PBX3: variants seen among roughly 807,000 people sequenced by gnomAD.
PBX3 encodes pre-B-cell leukemia transcription factor 3.
PBX3 carries 14 observed loss-of-function variants against 48.5 expected under a neutral mutation model. The observed-to-expected ratio is 0.29, with a 90% CI of 0.19 to 0.45. PBX3 has a LOEUF of 0.45. Ranked by LOEUF, PBX3 falls within the 20% of genes least tolerant of loss-of-function variation. PBX3 has a pLI of 1.00. For missense variants in PBX3, 386 were observed against 546.7 expected (o/e 0.71, Z 2.93); for synonymous variants, 210 against 200.3 (o/e 1.05, Z -0.41).
chr9:125,931,921 A>G (rs1841725581), intron 4 of PBX3, among the ~76,000 whole-genome samples: 1 of 152,224 alleles, frequency 6.6e-6, no homozygotes. Context: ...TTTGGTCTTT[A>G]GGATTATTTC....
chr9:125,868,459 AG>A (rs2132312011), intron 2 of PBX3, among the ~76,000 whole-genome samples: 2 of 152,340 alleles, frequency 1.3e-5, no homozygotes, highest in East Asian at 3.9e-4. Flanking sequence ...TCATTTCCAA[AG>A]CATGGCTGAG....
intron 3 of PBX3, among the ~76,000 whole-genome samples, chr9:125,929,420 G>T (rs187113652): frequency 2.0e-5 from 3 of 152,310 alleles, no homozygotes; most frequent in Admixed American, 1.3e-4. Flanking sequence ...GACAGGGGTG[G>T]GTGGGAAGAG....
At chr9:125,953,484 A>AG (rs1224068003) in intron 5 of PBX3, among the ~76,000 whole-genome samples, 1 of 151,846 alleles carries the variant, frequency 6.6e-6, no homozygotes, top group Admixed American at 6.6e-5. Context: ...CTCAAAAAAA[A>AG]AAAAAGTAGG....
Position 125,870,474 on chromosome 9 carries a change from TCAAACAAA to T in PBX3, c.275-45195_275-45188del, listed in dbSNP as rs141152111. Reference sequence around the variant, plus strand: ...GGTGATCTGACAGAGCTAGACACTGTCAAACAAACAAACAAACAAACAAAAAAACCCCA... The same window carrying T: ...GGTGATCTGACAGAGCTAGACACTGTCAAACAAACAAACAAAAAAACCCCA... On this transcript the variant is annotated intron_variant, in intron 2 of 8. Coordinates refer to ENST00000373489, the MANE Select transcript of PBX3 (RefSeq NM_006195.6). Among the ~76,000 whole-genome samples the T allele has an allele frequency of 5.3e-5, 8 of 151,992 alleles. No individual in the cohort carries two copies. In the South Asian group the frequency reaches 8.3e-4, roughly 16 times the overall value.
chr9:125,825,783 T>G (rs1838791287), intron 2 of PBX3, among the ~76,000 whole-genome samples: 2 of 152,258 alleles, frequency 1.3e-5, no homozygotes, highest in Admixed American at 1.3e-4. Context: ...CACTGTGTAC[T>G]TCTGCTATCC....
chr9:125,935,888 A>G (rs1477629053), intron 5 of PBX3, among the ~76,000 whole-genome samples: 1 of 152,192 alleles, frequency 6.6e-6, no homozygotes, highest in African/African-American at 2.4e-5. Context: ...CGCAGTTTAC[A>G]CTTAAGTGAC....
chr9:125,760,331 T>C (rs185170597), intron 2 of PBX3, among the ~76,000 whole-genome samples: 193 of 151,466 alleles, frequency 1.3e-3, no homozygotes, highest in Middle Eastern at 3.4e-3. Context: ...ATTTAACTCT[T>C]TTAAACAGTG....
At chr9:125,868,071 C>CT (rs1351194962) in intron 2 of PBX3, among the ~76,000 whole-genome samples, 7 of 152,008 alleles carry the variant, frequency 4.6e-5, no homozygotes, top group African/African-American at 1.7e-4. Flanking sequence ...GACAGGGTCT[C>CT]ACAATGTTGT....
rs902728036 is a variant in PBX3, at chr9:125,949,541, T to C, written c.844-11143T>C. On this transcript the variant is annotated intron_variant, in intron 5 of 8. Coordinates refer to ENST00000373489, the MANE Select transcript of PBX3 (RefSeq NM_006195.6). ...GACCTATACTGTGTATATATATATA[T>C]AGTATTCTTTACTCCAAAAATGCAT... 3.0e-6 allele frequency: 4 copies of C among 1,347,436 alleles called. No homozygotes were observed. In the African/African-American group the frequency reaches 4.5e-5, roughly 15 times the overall value. The allele number at this position is 1,347,436 out of a possible 1,614,324, so 83.5% of individuals were successfully genotyped here.
chr9:125,788,222 C>G (rs1837508272), intron 2 of PBX3, among the ~76,000 whole-genome samples: 1 of 152,130 alleles, frequency 6.6e-6, no homozygotes, highest in African/African-American at 2.4e-5. Flanking sequence ...GAAAATGAAA[C>G]CCATATAAGC....
chr9:125,952,940 G>A (rs1000824956), intron 5 of PBX3, among the ~76,000 whole-genome samples: 1 of 151,390 alleles, frequency 6.6e-6, no homozygotes, highest in Non-Finnish European at 1.5e-5. Context: ...TCCTGTGCTT[G>A]TGTATATACC....
intron 2 of PBX3, among the ~76,000 whole-genome samples, chr9:125,790,534 A>G (rs1002167604): frequency 4.6e-5 from 7 of 151,588 alleles, no homozygotes; most frequent in African/African-American, 9.7e-5. Flanking sequence ...GATTACAGGT[A>G]TGAGCCACCG....
chr9:125,793,366 A>ATATATATATATATATATATATATATATAT (rs1554855766), intron 2 of PBX3, among the ~76,000 whole-genome samples: 5 of 101,938 alleles, frequency 4.9e-5, no homozygotes, highest in African/African-American at 2.1e-4. Context: ...GGAAAAAAAA[A>ATATATATATATATATATATATATATATAT]ATATATATAT....
chr9:125,908,809 A>G (rs1047591682), intron 2 of PBX3, among the ~76,000 whole-genome samples: 2 of 152,084 alleles, frequency 1.3e-5, no homozygotes, highest in Admixed American at 6.6e-5. Flanking sequence ...AATTTCTTCA[A>G]TAGAGCGTTT....
Position 125,877,782 on chromosome 9 carries a change from A to G in PBX3, c.275-37904A>G, listed in dbSNP as rs1174714934. Among the ~76,000 whole-genome samples the G allele has an allele frequency of 2.6e-5, 4 of 152,176 alleles. No homozygotes were observed. The South Asian group carries it at 6.2e-4, about 24-fold the overall frequency. On this transcript the variant is annotated intron_variant, in intron 2 of 8. Coordinates refer to ENST00000373489, the MANE Select transcript of PBX3 (RefSeq NM_006195.6). ...TGTATCATCGTTAATATCATCATCAACAACATCAACAATTACTGAGTACCT... is the reference window on the plus strand; with the variant it reads ...TGTATCATCGTTAATATCATCATCAGCAACATCAACAATTACTGAGTACCT...
chr9:125,819,611 T>C (rs945089900), intron 2 of PBX3, among the ~76,000 whole-genome samples: 1 of 152,174 alleles, frequency 6.6e-6, no homozygotes, highest in Non-Finnish European at 1.5e-5. Context: ...ACTACTGATA[T>C]CTTCCCTGCT....
chr9:125,903,584 G>C (rs1841000715), intron 2 of PBX3, among the ~76,000 whole-genome samples: 1 of 151,716 alleles, frequency 6.6e-6, no homozygotes. Context: ...CAAAATTATA[G>C]AATTCGATGT....
intron 2 of PBX3, among the ~76,000 whole-genome samples, chr9:125,862,850 G>T (rs4240492): frequency 6.6e-6 from 1 of 152,250 alleles, no homozygotes; most frequent in African/African-American, 2.4e-5. Context: ...AATTTATTTT[G>T]TATGTATTTT....
intron 1 of PBX3, 48 bp downstream of exon 1, chr9:125,747,701 G>T: frequency 7.0e-7 from 1 of 1,424,650 alleles, no homozygotes; most frequent in East Asian, 2.9e-5. Flanking sequence ...CGGGAGCCGG[G>T]CCCGCGGCCG....
Sources: allele counts gnomAD v4.1 joint callset (sites outside exome capture counted in the v4.1 genomes callset), GRCh38; gene constraint gnomAD v4.1.1; transcripts MANE v1.5; gene names NCBI Gene and HGNC (gene_info 2026-07-23, HGNC 2026-07-21).